The following CHSY3 variants were observed in gnomAD, a reference collection of about 807,000 sequenced individuals.
CHSY3 encodes chondroitin sulfate synthase 3, also known as N-acetylgalactosaminyl-proteoglycan 3-beta-glucuronosyltransferase 3.
CHSY3 carries 35 observed loss-of-function variants against 67.2 expected under a neutral mutation model. The ratio of observed to expected loss-of-function variants is 0.52; its 90% CI spans 0.40 to 0.69. The LOEUF is 0.69. CHSY3 is among the 30% of genes least tolerant of loss of function. The probability of loss-of-function intolerance (pLI) is 0.00; values close to 1 mark genes in which losing one functional copy is unlikely to be tolerated. For missense variants in CHSY3, 1,069 were observed against 1,138.5 expected, an observed-to-expected ratio of 0.94 and a Z score of 0.88; for synonymous variants, 474 against 434.7, an observed-to-expected ratio of 1.09 and a Z score of -1.12.
chr5:130,097,322 A>G (rs1465842826), intron 2 of CHSY3, among the ~76,000 whole-genome samples: 2 of 152,228 alleles, frequency 1.3e-5, no homozygotes, highest in African/African-American at 4.8e-5. Context: ...GTGTGGACAG[A>G]CAAAACTTGA....
intron 2 of CHSY3, among the ~76,000 whole-genome samples, chr5:129,996,908 C>G (rs1763557030): frequency 6.6e-6 from 1 of 152,082 alleles, no homozygotes; most frequent in Non-Finnish European, 1.5e-5. Context: ...TATTTCACTT[C>G]TTTTCAGTTT....
At chr5:130,107,823 C>T (rs573399134) in intron 2 of CHSY3, among the ~76,000 whole-genome samples, 1 of 151,736 alleles carries the variant, frequency 6.6e-6, no homozygotes, top group Admixed American at 6.6e-5. Context: ...CACCCTGCCC[C>T]ACAATCACTC....
intron 2 of CHSY3, among the ~76,000 whole-genome samples, chr5:130,002,564 T>A (rs1763758101): frequency 1.3e-5 from 2 of 152,080 alleles, no homozygotes; most frequent in African/African-American, 4.8e-5. Context: ...CAGTACTCAG[T>A]CATTTTTCAG....
chr5:130,054,765 A>T (rs1765475212), intron 2 of CHSY3, among the ~76,000 whole-genome samples: 1 of 152,200 alleles, frequency 6.6e-6, no homozygotes, highest in Admixed American at 6.5e-5. Context: ...ACTAGCTTTT[A>T]ATATTATATG....
At chr5:130,020,538 G>A (rs1472412517) in intron 2 of CHSY3, among the ~76,000 whole-genome samples, 1 of 143,220 alleles carries the variant, frequency 7.0e-6, no homozygotes, top group Non-Finnish European at 1.5e-5. Context: ...CTTGAAGAAA[G>A]CTTTCTATAC....
chr5:130,129,354 T>A (rs1768406122), intron 2 of CHSY3, among the ~76,000 whole-genome samples: 1 of 152,156 alleles, frequency 6.6e-6, no homozygotes, highest in South Asian at 2.1e-4. Context: ...TGCCAGAATC[T>A]CTACTCATGA....
intron 2 of CHSY3, among the ~76,000 whole-genome samples, chr5:129,926,322 AT>A (rs1384532496): frequency 6.6e-6 from 1 of 151,996 alleles, no homozygotes; most frequent in African/African-American, 2.4e-5. Flanking sequence ...TCCATCTGAA[AT>A]GTCTTTATTT....
At chr5:130,123,272 A>G (rs1431945201) in intron 2 of CHSY3, among the ~76,000 whole-genome samples, 1 of 152,206 alleles carries the variant, frequency 6.6e-6, no homozygotes, top group Admixed American at 6.5e-5. Context: ...ACCATTTTCA[A>G]TCTAATGAAT....
At chr5:130,093,039 T>C (rs551011238) in intron 2 of CHSY3, among the ~76,000 whole-genome samples, 34 of 152,308 alleles carry the variant, frequency 2.2e-4, no homozygotes, top group Non-Finnish European at 3.8e-4. Context: ...AAAACAAATG[T>C]AACTTTCTCA....
At chr5:130,039,180 G>T (rs189989057) in intron 2 of CHSY3, among the ~76,000 whole-genome samples, 57 of 152,174 alleles carry the variant, frequency 3.7e-4, no homozygotes, top group African/African-American at 1.2e-3. Flanking sequence ...GTCATTTAGA[G>T]TATCTACTAG....
chr5:130,012,209 C>A (rs1764086148), intron 2 of CHSY3, among the ~76,000 whole-genome samples: 2 of 152,122 alleles, frequency 1.3e-5, no homozygotes, highest in African/African-American at 2.4e-5. Context: ...ACAAATGCTG[C>A]CGTAAGCAAA....
rs1049628926 is a variant in CHSY3 at position 130,082,297 on chromosome 5, G to A, written c.1087-101932G>A. Among the ~76,000 whole-genome samples the A allele has an allele frequency of 2.0e-5, 3 of 152,122 alleles. No homozygotes were observed. In the East Asian group the frequency reaches 5.8e-4, roughly 30 times the overall value. On this transcript the variant is annotated intron_variant, in intron 2 of 2. Transcript: ENST00000305031. ...CAAGCTTTGATTTATAAAGTAATAA[G>A]TGATTGATAAATTCAGTATGATTAA...
intron 2 of CHSY3, among the ~76,000 whole-genome samples, chr5:130,179,433 C>T (rs1252705003): frequency 6.6e-6 from 1 of 152,058 alleles, no homozygotes; most frequent in Non-Finnish European, 1.5e-5. Flanking sequence ...TTCTATTTCA[C>T]TTTCCTAATT....
In CHSY3 at chr5:130,129,841, G is replaced by A. The variant is rs1475450851; in HGVS notation, c.1087-54388G>A. On this transcript the variant is annotated intron_variant, in intron 2 of 2. Transcript: ENST00000305031. ...GCCTGAGTGACCATAAGGACCCAAC[G>A]AAAGAAAGCACATGAAAGTTCTCTA... Among the ~76,000 whole-genome samples, 4 of 151,984 alleles carry A rather than the reference G, an allele frequency of 2.6e-5. No individual in the cohort carries two copies. In the East Asian group the frequency reaches 7.7e-4, roughly 29 times the overall value.
At chr5:129,952,538 T>G (rs1261960579) in intron 2 of CHSY3, among the ~76,000 whole-genome samples, 1 of 152,238 alleles carries the variant, frequency 6.6e-6, no homozygotes, top group East Asian at 1.9e-4. Context: ...AATCTTTCTT[T>G]GAACACATTT....
At chr5:130,172,544 T>G (rs987277905) in intron 2 of CHSY3, among the ~76,000 whole-genome samples, 24 of 152,084 alleles carry the variant, frequency 1.6e-4, no homozygotes, top group African/African-American at 4.8e-4. Context: ...TTGCCCAGGC[T>G]GGTCTCAATA....
chr5:130,121,720 T>C (rs1768032361), intron 2 of CHSY3, among the ~76,000 whole-genome samples: 1 of 152,160 alleles, frequency 6.6e-6, no homozygotes, highest in Admixed American at 6.5e-5. Context: ...AAACAAAAAG[T>C]GTATCCTTCA....
intron 2 of CHSY3, among the ~76,000 whole-genome samples, chr5:129,947,607 G>A (rs1401592995): frequency 7.0e-6 from 1 of 143,314 alleles, no homozygotes; most frequent in African/African-American, 2.7e-5. Flanking sequence ...TGAGCACATA[G>A]CGAGACTCCA....
intron 2 of CHSY3, among the ~76,000 whole-genome samples, chr5:130,030,583 T>A (rs1394059917): frequency 3.3e-5 from 5 of 152,176 alleles, no homozygotes; most frequent in Admixed American, 1.3e-4. Context: ...TTTCTGAAAA[T>A]AACTTGTTAA....
Sources: allele counts gnomAD v4.1 joint callset (sites outside exome capture counted in the v4.1 genomes callset), GRCh38; gene constraint gnomAD v4.1.1; transcripts MANE v1.5; gene names NCBI Gene and HGNC (gene_info 2026-07-23, HGNC 2026-07-21).